The following TET1 variants were observed in gnomAD, a reference collection of about 807,000 sequenced individuals.
The protein encoded by TET1 is tet methylcytosine dioxygenase 1, also known as methylcytosine dioxygenase TET1.
A neutral mutation model predicts 148.7 loss-of-function variants in TET1; 13 were observed. The observed-to-expected ratio is 0.09, with a 90% CI of 0.06 to 0.14. TET1 has a LOEUF of 0.14. TET1 is among the 10% of genes least tolerant of loss of function. The pLI is 1.00. For synonymous variants in TET1, 907 were observed against 937.2 expected (o/e 0.97, Z 0.59); for missense variants, 2,182 against 2,553.8 (o/e 0.85, Z 3.14).
chr10:68,584,379 C>G (rs2053836458), intron 2 of TET1, among the ~76,000 whole-genome samples: 1 of 151,388 alleles, frequency 6.6e-6, no homozygotes. Flanking sequence ...TATGAGTCAG[C>G]CTATTTTTCA....
intron 3 of TET1, among the ~76,000 whole-genome samples, chr10:68,626,891 C>T (rs1288332114): frequency 2.0e-5 from 3 of 152,132 alleles, no homozygotes; most frequent in African/African-American, 7.2e-5. Flanking sequence ...GAGATATTCT[C>T]ATTCTATCGC....
intron 4 of TET1, among the ~76,000 whole-genome samples, chr10:68,650,104 A>AT (rs1196329819): frequency 1.3e-5 from 2 of 152,290 alleles, no homozygotes; most frequent in Admixed American, 6.5e-5. Flanking sequence ...TTGGTGTTTT[A>AT]TCCTTCGTAA....
At chr10:68,619,027 T>A (rs1201643059) in intron 3 of TET1, among the ~76,000 whole-genome samples, 1 of 152,154 alleles carries the variant, frequency 6.6e-6, no homozygotes, top group Non-Finnish European at 1.5e-5. Flanking sequence ...AATAGTAGTT[T>A]TAAATTTTCG....
At chr10:68,579,396 C>T (rs1390376897) in intron 2 of TET1, among the ~76,000 whole-genome samples, 1 of 152,216 alleles carries the variant, frequency 6.6e-6, no homozygotes, top group African/African-American at 2.4e-5. Context: ...GCGCTACCAC[C>T]TCTCCATTTT....
chr10:68,674,696 A>C (rs1266817331), intron 8 of TET1: 2 of 467,584 alleles, frequency 4.3e-6, no homozygotes, highest in Non-Finnish European at 8.2e-6. Context: ...TGTCAATATC[A>C]AGACTACCGG....
At chr10:68,665,193 C>T (rs897165091) in intron 6 of TET1, among the ~76,000 whole-genome samples, 2 of 152,034 alleles carry the variant, frequency 1.3e-5, no homozygotes, top group Non-Finnish European at 2.9e-5. Context: ...TGTTTAGATA[C>T]ACATTATAAT....
chr10:68,615,419 C>T (rs549896534), intron 3 of TET1, among the ~76,000 whole-genome samples: 95 of 150,134 alleles, frequency 6.3e-4, no homozygotes, highest in Admixed American at 1.1e-3. Flanking sequence ...GATTTCAGCT[C>T]ACTGCAACCT....
chr10:68,599,454 G>T (rs1589064136), intron 2 of TET1, among the ~76,000 whole-genome samples: 1 of 152,236 alleles, frequency 6.6e-6, no homozygotes, highest in East Asian at 1.9e-4. Context: ...CTGTTGCAAT[G>T]CCAGGTGGCT....
At chr10:68,592,271 G>A (rs1175542803) in intron 2 of TET1, among the ~76,000 whole-genome samples, 1 of 151,086 alleles carries the variant, frequency 6.6e-6, no homozygotes, top group African/African-American at 2.4e-5. Context: ...AGCCGAGATC[G>A]TGCCACTGCA....
intron 3 of TET1, among the ~76,000 whole-genome samples, chr10:68,638,395 A>G (rs1243763806): frequency 1.3e-5 from 2 of 152,126 alleles, no homozygotes; most frequent in African/African-American, 4.8e-5. Context: ...TTCCTCAACA[A>G]TTTGATATAT....
Position 68,579,203 on chromosome 10 carries a change from G to A in TET1, c.1914+4951G>A, listed in dbSNP as rs146413599. Among the ~76,000 whole-genome samples the A allele has an allele frequency of 3.7e-3, 557 of 152,266 alleles. 2 individuals are homozygous for A. The highest frequency in any genetic ancestry group is 0.013 in the African/African-American group (540 of 41,560). On this transcript the variant is annotated intron_variant, in intron 2 of 11. Coordinates refer to ENST00000373644, the MANE Select transcript of TET1 (RefSeq NM_030625.3). ...TGTAGCATTGCCAAATGACATCATTGTAAAAAACACTGTATCTCTAATGGA... is the reference window on the plus strand; with the variant it reads ...TGTAGCATTGCCAAATGACATCATTATAAAAAACACTGTATCTCTAATGGA...
At chr10:68,661,281 C>T (rs1444604355) in intron 6 of TET1, among the ~76,000 whole-genome samples, 3 of 145,908 alleles carry the variant, frequency 2.1e-5, no homozygotes, top group Non-Finnish European at 3.0e-5. Context: ...ATCTCCTGAC[C>T]TCGTGATCCG....
chr10:68,598,175 G>T (rs538668280), intron 2 of TET1, among the ~76,000 whole-genome samples: 2 of 152,180 alleles, frequency 1.3e-5, no homozygotes, highest in African/African-American at 4.8e-5. Flanking sequence ...GCCCACCTGA[G>T]GTCAAGAGTC....
intron 2 of TET1, among the ~76,000 whole-genome samples, chr10:68,596,013 C>CATATAT (rs2053983103): frequency 9.3e-6 from 1 of 107,562 alleles, no homozygotes. Flanking sequence ...CACACACACA[C>CATATAT]ACACACACAC....
At chr10:68,609,353 G>T (rs1332695792) in intron 3 of TET1, among the ~76,000 whole-genome samples, 4 of 152,030 alleles carry the variant, frequency 2.6e-5, no homozygotes, top group Non-Finnish European at 5.9e-5. Flanking sequence ...TAGAGATGGG[G>T]TTTCTCCATG....
intron 10 of TET1, 54 bp from the exon 11 acceptor site, chr10:68,686,302 A>G (rs1181281462): frequency 2.1e-6 from 3 of 1,449,946 alleles, no homozygotes; most frequent in Admixed American, 4.4e-5. Flanking sequence ...AATAGCCACA[A>G]TGAATGTGCA....
intron 3 of TET1, among the ~76,000 whole-genome samples, chr10:68,623,082 A>G (rs960656383): frequency 6.6e-6 from 1 of 152,142 alleles, no homozygotes; most frequent in Non-Finnish European, 1.5e-5. Flanking sequence ...TTCCCTTTGT[A>G]ATTAACAAAT....
intron 3 of TET1, among the ~76,000 whole-genome samples, chr10:68,641,323 G>A (rs1432466701): frequency 6.7e-6 from 1 of 148,718 alleles, no homozygotes; most frequent in Non-Finnish European, 1.5e-5. Flanking sequence ...CTGCCTGAGA[G>A]GCAGGGTGTC....
chr10:68,612,601 A>G (rs1405933199), intron 3 of TET1, among the ~76,000 whole-genome samples: 1 of 151,858 alleles, frequency 6.6e-6, no homozygotes. Context: ...TTATTATTCT[A>G]TATGTATGGG....
Sources: allele counts gnomAD v4.1 joint callset (sites outside exome capture counted in the v4.1 genomes callset), GRCh38; gene constraint gnomAD v4.1.1; transcripts MANE v1.5; gene names NCBI Gene and HGNC (gene_info 2026-07-23, HGNC 2026-07-21).